EPB41L2: variants seen among roughly 807,000 people sequenced by gnomAD.
The protein encoded by EPB41L2 is erythrocyte membrane protein band 4.1 like 2.
Under a neutral mutation model 113.0 loss-of-function variants are expected in EPB41L2, and 43 were observed. That is an observed-to-expected ratio of 0.38 (90% CI 0.30 to 0.49). The LOEUF is 0.49. Ranked by LOEUF, EPB41L2 falls within the 20% of genes least tolerant of loss-of-function variation. The probability of loss-of-function intolerance (pLI) is 0.95; values close to 1 mark genes in which losing one functional copy is unlikely to be tolerated. For missense variants in EPB41L2, 1,147 were observed against 1,223.4 expected (o/e 0.94, Z 0.93); for synonymous variants, 442 against 436.7 (o/e 1.01, Z -0.15).
chr6:131,023,994 A>G (rs1453135153), intron 1 of EPB41L2, among the ~76,000 whole-genome samples: 2 of 151,912 alleles, frequency 1.3e-5, no homozygotes, highest in Non-Finnish European at 2.9e-5. Flanking sequence ...GAACACTGGA[A>G]AAAAAAGGAG....
In EPB41L2 at chr6:130,899,573, A is replaced by G. The variant is rs1353332410; in HGVS notation, c.1154T>C (p.Leu385Ser). The G allele has an allele frequency of 6.2e-7, 1 of 1,613,628 alleles. No individual in the cohort carries two copies. The highest frequency in any genetic ancestry group is 8.5e-7 in the Non-Finnish European group (1 of 1,179,698). The change falls in exon 8 of 20, where the codon TTA becomes TCA. Residue 385 changes from leucine (L) to serine (S), a missense_variant. Coordinates refer to ENST00000337057, the MANE Select transcript of EPB41L2 (RefSeq NM_001431.4). ...CTGGGAATCAGCTTGTGCTGGCGAT[A>G]AGCCCCTGAGAATCAAAAGAAACAG... ...VAELHKTHRGLSPAQADSQFL... is the reference protein window; with the variant it reads ...VAELHKTHRGSSPAQADSQFL...
At chr6:131,053,160 T>G (rs1041298986) in intron 1 of EPB41L2, among the ~76,000 whole-genome samples, 5 of 151,970 alleles carry the variant, frequency 3.3e-5, no homozygotes, top group Non-Finnish European at 7.4e-5. Context: ...CCTCCCAAAG[T>G]GCTGGGATTA....
intron 1 of EPB41L2, among the ~76,000 whole-genome samples, chr6:131,008,403 T>A (rs546256502): frequency 9.4e-4 from 143 of 152,356 alleles, no homozygotes; most frequent in South Asian, 1.4e-3. Flanking sequence ...AACACCTGGA[T>A]GTCTAGGCAG....
At chr6:130,988,904 C>G (rs1410390594) in intron 1 of EPB41L2, among the ~76,000 whole-genome samples, 1 of 152,158 alleles carries the variant, frequency 6.6e-6, no homozygotes, top group African/African-American at 2.4e-5. Flanking sequence ...GCCTAGCCAA[C>G]ATGGTGAAAC....
At chr6:130,942,653 G>A (rs1486469348) in intron 3 of EPB41L2, among the ~76,000 whole-genome samples, 1 of 152,136 alleles carries the variant, frequency 6.6e-6, no homozygotes, top group Non-Finnish European at 1.5e-5. Context: ...TGCAGAACGT[G>A]CAGGTTTGTT....
At chr6:130,929,812 T>G (rs978479808) in intron 3 of EPB41L2, among the ~76,000 whole-genome samples, 1 of 148,072 alleles carries the variant, frequency 6.8e-6, no homozygotes, top group African/African-American at 2.5e-5. Flanking sequence ...GAATAGCAGA[T>G]AGAATCACGA....
At chr6:130,968,765 T>G in intron 1 of EPB41L2, among the ~76,000 whole-genome samples, 1 of 151,262 alleles carries the variant, frequency 6.6e-6, no homozygotes, top group Non-Finnish European at 1.5e-5. Context: ...GTATTTCTAC[T>G]CCGAGGATTC....
intron 1 of EPB41L2, among the ~76,000 whole-genome samples, chr6:131,059,360 C>T (rs937130525): frequency 2.6e-5 from 4 of 152,272 alleles, no homozygotes; most frequent in South Asian, 2.1e-4. Flanking sequence ...ATGATCCACC[C>T]GCCTCAGCCT....
chr6:130,997,123 A>G (rs750228307), intron 1 of EPB41L2, among the ~76,000 whole-genome samples: 2 of 152,190 alleles, frequency 1.3e-5, no homozygotes, highest in Non-Finnish European at 2.9e-5. Context: ...AGAAGCTTTC[A>G]GACACTGTTA....
At chr6:131,053,087 G>C (rs939790850) in intron 1 of EPB41L2, among the ~76,000 whole-genome samples, 1 of 151,842 alleles carries the variant, frequency 6.6e-6, no homozygotes, top group Non-Finnish European at 1.5e-5. Context: ...GTAGAGATGG[G>C]GTTTCACCAT....
At chr6:130,887,293 G>A (rs1420220930) in intron 11 of EPB41L2, among the ~76,000 whole-genome samples, 2 of 152,132 alleles carry the variant, frequency 1.3e-5, no homozygotes, top group Admixed American at 1.3e-4. Context: ...GATACCAAAT[G>A]GCTAATTGGC....
At chr6:130,855,710 A>T (rs1403043084) in intron 19 of EPB41L2, among the ~76,000 whole-genome samples, 2 of 152,230 alleles carry the variant, frequency 1.3e-5, no homozygotes, top group African/African-American at 2.4e-5. Context: ...CAAGGAAAAG[A>T]AGGCAATATT....
At chr6:130,986,902 C>A (rs1430285011) in intron 1 of EPB41L2, among the ~76,000 whole-genome samples, 1 of 152,176 alleles carries the variant, frequency 6.6e-6, no homozygotes, top group Non-Finnish European at 1.5e-5. Flanking sequence ...AGCTGTCACA[C>A]CCCAGTACCC....
At chr6:130,966,482 AC>A (rs1368370104) in intron 1 of EPB41L2, among the ~76,000 whole-genome samples, 1 of 151,300 alleles carries the variant, frequency 6.6e-6, no homozygotes, top group Non-Finnish European at 1.5e-5. Context: ...TGGGAGATAC[AC>A]AAATAAAGGA....
intron 19 of EPB41L2, among the ~76,000 whole-genome samples, chr6:130,847,636 G>A (rs537809727): frequency 6.6e-6 from 1 of 152,190 alleles, no homozygotes; most frequent in South Asian, 2.1e-4. Flanking sequence ...AAAACATCAG[G>A]TTCATTTTTC....
chr6:131,024,040 T>C (rs961343672), intron 1 of EPB41L2, among the ~76,000 whole-genome samples: 17 of 151,886 alleles, frequency 1.1e-4, no homozygotes, highest in Non-Finnish European at 2.4e-4. Context: ...CTGTGAAAGA[T>C]GGACATGGAA....
intron 3 of EPB41L2, among the ~76,000 whole-genome samples, chr6:130,949,606 G>A (rs891108442): frequency 2.0e-5 from 3 of 151,870 alleles, no homozygotes; most frequent in African/African-American, 7.3e-5. Context: ...GGAGGGAAGA[G>A]GAGGGGAGGG....
intron 3 of EPB41L2, among the ~76,000 whole-genome samples, chr6:130,936,198 C>A (rs1808728320): frequency 1.3e-5 from 2 of 152,190 alleles, no homozygotes; most frequent in Admixed American, 1.3e-4. Context: ...TTATCTAAAT[C>A]TTCATTTGCT....
At chr6:131,038,019 T>C (rs981619491) in intron 1 of EPB41L2, among the ~76,000 whole-genome samples, 6 of 152,186 alleles carry the variant, frequency 3.9e-5, no homozygotes, top group African/African-American at 1.4e-4. Context: ...TGTATATACA[T>C]ACAAAAATAC....
Sources: allele counts gnomAD v4.1 joint callset (sites outside exome capture counted in the v4.1 genomes callset), GRCh38; gene constraint gnomAD v4.1.1; transcripts MANE v1.5; gene names NCBI Gene and HGNC (gene_info 2026-07-23, HGNC 2026-07-21).